Variants in PFKL observed in about 807,000 individuals in gnomAD.
PFKL encodes the protein ATP-dependent 6-phosphofructokinase, liver type.
A neutral mutation model predicts 92.1 loss-of-function variants in PFKL; 74 were observed. The ratio of observed to expected loss-of-function variants is 0.80; its 90% CI spans 0.67 to 0.97. The LOEUF (loss-of-function observed/expected upper bound fraction) is 0.97, where lower values mean the gene tolerates loss of function less well. Ranked by LOEUF, PFKL falls within the 50% of genes least tolerant of loss-of-function variation. The pLI is 0.00. For missense variants in PFKL, 1,028 were observed against 1,116.6 expected, an observed-to-expected ratio of 0.92 and a Z score of 1.13; for synonymous variants, 494 against 456.4, an observed-to-expected ratio of 1.08 and a Z score of -1.05.
chr21:44,301,975 G>A (rs923886641), intron 1 of PFKL, among the ~76,000 whole-genome samples: 3 of 152,218 alleles, frequency 2.0e-5, no homozygotes, highest in Non-Finnish European at 4.4e-5. Context: ...GCGGGGAGGG[G>A]CACCCAGGGT....
rs1476495967 is a variant in PFKL at position 44,326,979 on chromosome 21, T to TG, written c.*118dup. 1.1e-6 allele frequency: 1 copy of TG among 936,966 alleles called. No individual in the cohort carries two copies. The highest frequency in any genetic ancestry group is 1.6e-6 in the Non-Finnish European group (1 of 615,198). 58.0% of individuals were successfully genotyped at this position (936,966 alleles called of 1,614,324 possible). On this transcript the variant is annotated 3_prime_UTR_variant, in exon 22 of 22. Transcript: ENST00000349048. Reference sequence around the variant, plus strand: ...TGCAGGCAGGTGGGGGCTGCGTCCCTGCTCAGCCCATCCCCTGCCTCTATC... The same window carrying TG: ...TGCAGGCAGGTGGGGGCTGCGTCCCTGGCTCAGCCCATCCCCTGCCTCTATC...
intron 7 of PFKL, chr21:44,315,961 G>C: frequency 2.1e-6 from 1 of 470,884 alleles, no homozygotes; most frequent in East Asian, 4.1e-5. Context: ...TGTGTGTGCT[G>C]GGCCCAGCCC....
intron 2 of PFKL, among the ~76,000 whole-genome samples, chr21:44,310,683 C>T (rs2047016294): frequency 6.6e-6 from 1 of 152,134 alleles, no homozygotes; most frequent in South Asian, 2.1e-4. Context: ...GGATGGCGGG[C>T]TCCGCTGGGG....
intron 19 of PFKL, 55 bp from the exon 20 acceptor site, chr21:44,325,906 C>G: frequency 5.0e-6 from 7 of 1,398,460 alleles, no homozygotes; most frequent in Non-Finnish European, 7.0e-6. Flanking sequence ...CTGGCGTTGG[C>G]CTTGGCCCAG....
chr21:44,314,148 C>T (rs890431337), intron 7 of PFKL, 127 bp downstream of exon 7: 15 of 687,736 alleles, frequency 2.2e-5, no homozygotes, highest in Admixed American at 2.1e-4. Flanking sequence ...CTGCAGGTGC[C>T]CCTTGGGGGC....
intron 19 of PFKL, 196 bp downstream of exon 19, chr21:44,325,460 G>C (rs2047480088): frequency 1.7e-6 from 1 of 590,792 alleles, no homozygotes. Context: ...GGTGGGGCTG[G>C]GGCTGGAGCC....
At chr21:44,305,115 T>C (rs768325635) in intron 1 of PFKL, 14 of 616,796 alleles carry the variant, frequency 2.3e-5, no homozygotes, top group Non-Finnish European at 3.4e-5. Flanking sequence ...GGGTGAGTCC[T>C]GGCTCTGCTG....
chr21:44,325,740 G>A (rs914282114), intron 19 of PFKL: 23 of 567,856 alleles, frequency 4.1e-5, no homozygotes, highest in Non-Finnish European at 5.7e-5. Flanking sequence ...AGGGGCAGCC[G>A]ACTGCCGGCC....
intron 3 of PFKL, among the ~76,000 whole-genome samples, chr21:44,311,608 T>G (rs538674284): frequency 3.9e-5 from 6 of 152,094 alleles, no homozygotes; most frequent in Non-Finnish European, 8.8e-5. Flanking sequence ...AATTGTTGGG[T>G]CGCAGGGTCA....
In PFKL at chr21:44,319,274, G is replaced by A. The variant is rs1167088821; in HGVS notation, c.1063-77G>A. 2.3e-6 allele frequency: 3 copies of A among 1,294,964 alleles called. No individual in the cohort carries two copies. In the African/African-American group the frequency reaches 4.4e-5, roughly 19 times the overall value. The allele number at this position is 1,294,964 out of a possible 1,614,324, so 80.2% of individuals were successfully genotyped here. On this transcript the variant is annotated intron_variant, in intron 10 of 21. Transcript: ENST00000349048. The stretch of plus-strand genomic sequence containing the variant: ...TGCCGGCCAGATCTGCCCTCGTCAG[G>A]CCCACCAGACAGGGCAGTAGCCATG...
At chr21:44,326,336 T>G (rs1477137115) in intron 21 of PFKL, 72 bp downstream of exon 21, 26 of 1,154,806 alleles carry the variant, frequency 2.3e-5, no homozygotes, top group Non-Finnish European at 3.0e-5. Flanking sequence ...GAGGCAGGTG[T>G]GCCAGGCCCA....
chr21:44,316,806 G>T (rs937417908), intron 9 of PFKL, among the ~76,000 whole-genome samples: 1 of 152,132 alleles, frequency 6.6e-6, no homozygotes, highest in Non-Finnish European at 1.5e-5. Context: ...CCTCCTGGGG[G>T]AGACTGAGGC....
At chr21:44,324,689 T>A in intron 17 of PFKL, 34 bp downstream of exon 17, 1 of 1,563,424 alleles carries the variant, frequency 6.4e-7, no homozygotes, top group Non-Finnish European at 8.7e-7. Context: ...GCGGCAGACC[T>A]GCCGGCATGC....
intron 1 of PFKL, among the ~76,000 whole-genome samples, chr21:44,303,062 G>T (rs971783105): frequency 6.6e-6 from 1 of 151,990 alleles, no homozygotes; most frequent in Non-Finnish European, 1.5e-5. Flanking sequence ...GTGAAACCTC[G>T]TCTCTACTAA....
chr21:44,325,481 C>G, intron 19 of PFKL: 1 of 582,420 alleles, frequency 1.7e-6, no homozygotes, highest in East Asian at 2.8e-5. Context: ...GGGGCCCGAG[C>G]CAGGGCATTC....
chr21:44,303,853 G>T (rs2040849542), intron 1 of PFKL, among the ~76,000 whole-genome samples: 1 of 152,144 alleles, frequency 6.6e-6, no homozygotes, highest in Non-Finnish European at 1.5e-5. Context: ...CCTGCTGGTA[G>T]GCAGCGGCAG....
Position 44,322,946 on chromosome 21 carries a change from G to A in PFKL, c.1410-16G>A, listed in dbSNP as rs1472249857. 1.9e-6 allele frequency: 3 copies of A among 1,588,364 alleles called. No individual in the cohort carries two copies. Among genetic ancestry groups the A allele is most frequent in the African/African-American group, 1.3e-5 (1 of 74,548 alleles). On this transcript the variant is annotated splice_polypyrimidine_tract_variant and intron_variant, in intron 14 of 21. Transcript: ENST00000349048. ...CCGGGTGCTGCGTGTTCATGCGGAT[G>A]TGTCTTTGACTGCAGGACCCTGCCC...
intron 1 of PFKL, chr21:44,304,465 G>A: frequency 1.7e-6 from 2 of 1,196,654 alleles, no homozygotes; most frequent in Non-Finnish European, 2.1e-6. Context: ...GGTGGGCTTG[G>A]ACCTGTGGTG....
At chr21:44,324,066 G>A (rs1395706209) in intron 16 of PFKL, 148 bp downstream of exon 16, 5 of 871,192 alleles carry the variant, frequency 5.7e-6, no homozygotes, top group Non-Finnish European at 7.1e-6. Context: ...CCCGGGTGAA[G>A]GGGCTCAGCT....
Sources: allele counts gnomAD v4.1 joint callset (sites outside exome capture counted in the v4.1 genomes callset), GRCh38; gene constraint gnomAD v4.1.1; transcripts MANE v1.5; gene names NCBI Gene and HGNC (gene_info 2026-07-23, HGNC 2026-07-21).